DCC: variants seen among roughly 807,000 people sequenced by gnomAD.
DCC encodes the protein DCC netrin 1 receptor, also known as netrin receptor DCC.
In DCC, 58 loss-of-function variants were observed where a neutral mutation model predicts 172.5. The observed-to-expected ratio is 0.34, with a 90% CI of 0.27 to 0.42. The LOEUF is 0.42. Ranked by LOEUF, DCC falls within the 10% of genes least tolerant of loss-of-function variation. DCC has a pLI of 1.00. For synonymous variants in DCC, 709 were observed against 644.5 expected (o/e 1.10, Z -1.52); for missense variants, 1,740 against 1,791.0 (o/e 0.97, Z 0.51).
At chr18:53,437,783 A>G (rs1303578100) in intron 22 of DCC, among the ~76,000 whole-genome samples, 1 of 152,128 alleles carries the variant, frequency 6.6e-6, no homozygotes, top group Non-Finnish European at 1.5e-5. Flanking sequence ...CAAAAACATT[A>G]TATGTATTCA....
intron 7 of DCC, among the ~76,000 whole-genome samples, chr18:53,077,010 AT>A (rs1250732654): frequency 6.6e-6 from 1 of 152,110 alleles, no homozygotes; most frequent in African/African-American, 2.4e-5. Flanking sequence ...AACAGGCTGA[AT>A]TGTTCCATCT....
At chr18:53,144,821 T>A (rs902612954) in intron 7 of DCC, among the ~76,000 whole-genome samples, 2 of 152,142 alleles carry the variant, frequency 1.3e-5, no homozygotes, top group Non-Finnish European at 2.9e-5. Context: ...TCCACTGTAT[T>A]TGTGTCTTGA....
intron 1 of DCC, among the ~76,000 whole-genome samples, chr18:52,372,826 C>A (rs1985180680): frequency 5.3e-5 from 8 of 152,118 alleles, no homozygotes; most frequent in Admixed American, 4.6e-4. Context: ...TACCTCGGGG[C>A]AGCTTTGGGA....
chr18:53,380,582 C>A (rs1320893296), intron 15 of DCC, among the ~76,000 whole-genome samples: 1 of 152,094 alleles, frequency 6.6e-6, no homozygotes, highest in Non-Finnish European at 1.5e-5. Context: ...CTAGACTCCC[C>A]AAAAGATGTT....
At chr18:53,500,737 T>C (rs2046087350) in intron 27 of DCC, among the ~76,000 whole-genome samples, 1 of 151,844 alleles carries the variant, frequency 6.6e-6, no homozygotes, top group Admixed American at 6.6e-5. Flanking sequence ...ATTCCATTGG[T>C]TGGGACGCAC....
chr18:53,265,385 T>C (rs1429071987), intron 12 of DCC, among the ~76,000 whole-genome samples: 1 of 152,168 alleles, frequency 6.6e-6, no homozygotes, highest in Non-Finnish European at 1.5e-5. Flanking sequence ...CATAAAAGTG[T>C]ACTATGCATT....
At chr18:52,704,583 C>G (rs575490159) in intron 1 of DCC, among the ~76,000 whole-genome samples, 1 of 152,292 alleles carries the variant, frequency 6.6e-6, no homozygotes, top group East Asian at 1.9e-4. Flanking sequence ...TTGTTTGAAG[C>G]ACTGTATTTC....
chr18:52,407,876 A>G (rs185964448), intron 1 of DCC, among the ~76,000 whole-genome samples: 8 of 152,220 alleles, frequency 5.3e-5, no homozygotes, highest in Non-Finnish European at 1.2e-4. Flanking sequence ...TGGAGGCCAT[A>G]TATGGAAAGC....
chr18:53,288,123 TG>T (rs2056957788), intron 12 of DCC, among the ~76,000 whole-genome samples: 1 of 152,138 alleles, frequency 6.6e-6, no homozygotes, highest in Non-Finnish European at 1.5e-5. Flanking sequence ...TTAGAAAAAC[TG>T]TGTTTGGAGC....
intron 1 of DCC, among the ~76,000 whole-genome samples, chr18:52,447,851 G>A (rs1988172150): frequency 6.6e-6 from 1 of 152,044 alleles, no homozygotes; most frequent in South Asian, 2.1e-4. Flanking sequence ...TAGTACCAAG[G>A]GGATAGCACT....
chr18:53,028,716 C>G (rs892601928), intron 5 of DCC, among the ~76,000 whole-genome samples: 8 of 152,152 alleles, frequency 5.3e-5, no homozygotes, highest in African/African-American at 1.9e-4. Context: ...GTAGCCTCTA[C>G]AATACTTCCA....
intron 2 of DCC, among the ~76,000 whole-genome samples, chr18:52,855,787 T>TG (rs2039044194): frequency 8.0e-6 from 1 of 125,568 alleles, no homozygotes; most frequent in South Asian, 2.4e-4. Context: ...TTTTTTGAGA[T>TG]GGAGTTTTGC....
Position 52,346,612 on chromosome 18 carries a change from T to C in DCC, c.91+5734T>C, listed in dbSNP as rs1053661543. On this transcript the variant is annotated intron_variant, in intron 1 of 28. Coordinates refer to ENST00000442544, the MANE Select transcript of DCC (RefSeq NM_005215.4). ...TTGAATATGCCTTCTTTTTCAATAT[T>C]GATGGGAATTTGCCAATGGTAATAC... Among the ~76,000 whole-genome samples the C allele has an allele frequency of 2.6e-5, 4 of 152,318 alleles. No homozygotes were observed. The East Asian group carries it at 5.8e-4, about 22-fold the overall frequency.
At chr18:52,416,109 T>A (rs1299390433) in intron 1 of DCC, among the ~76,000 whole-genome samples, 1 of 152,228 alleles carries the variant, frequency 6.6e-6, no homozygotes, top group Non-Finnish European at 1.5e-5. Context: ...CATCTTTATT[T>A]CTGCCTTCAT....
At chr18:53,506,712 G>T (rs1237785770) in intron 27 of DCC, among the ~76,000 whole-genome samples, 3 of 152,056 alleles carry the variant, frequency 2.0e-5, no homozygotes, top group African/African-American at 7.2e-5. Context: ...CAAAAAATTA[G>T]CCGGGCATGG....
intron 15 of DCC, among the ~76,000 whole-genome samples, chr18:53,378,430 T>C (rs1218332361): frequency 6.6e-6 from 1 of 152,082 alleles, no homozygotes; most frequent in Non-Finnish European, 1.5e-5. Flanking sequence ...AATGAACAAA[T>C]GGAAGGATGA....
At chr18:52,969,584 A>ACTCTGTCT (rs1555689607) in intron 5 of DCC, among the ~76,000 whole-genome samples, 1 of 119,440 alleles carries the variant, frequency 8.4e-6, no homozygotes, top group South Asian at 3.2e-4. Context: ...CCCGCCCCCC[A>ACTCTGTCT]CTCTCTCTCT....
At chr18:53,108,602 T>A (rs76593058) in intron 7 of DCC, among the ~76,000 whole-genome samples, 15 of 151,942 alleles carry the variant, frequency 9.9e-5, no homozygotes, top group African/African-American at 3.4e-4. Flanking sequence ...TTTCTAACTT[T>A]TATGAGAGTT....
At chr18:52,836,616 A>C (rs2145307486) in intron 2 of DCC, among the ~76,000 whole-genome samples, 1 of 152,346 alleles carries the variant, frequency 6.6e-6, no homozygotes, top group Non-Finnish European at 1.5e-5. Context: ...TCTCACGTGC[A>C]GGTCTTGCTG....
Sources: allele counts gnomAD v4.1 joint callset (sites outside exome capture counted in the v4.1 genomes callset), GRCh38; gene constraint gnomAD v4.1.1; transcripts MANE v1.5; gene names NCBI Gene and HGNC (gene_info 2026-07-23, HGNC 2026-07-21).